Variants in ELL observed in about 807,000 individuals in gnomAD.
ELL encodes elongation factor for RNA polymerase II.
ELL carries 18 observed loss-of-function variants against 64.0 expected under a neutral mutation model. The ratio of observed to expected loss-of-function variants is 0.28; its 90% CI spans 0.19 to 0.42. The LOEUF (loss-of-function observed/expected upper bound fraction) is 0.42. Ranked by LOEUF, ELL falls within the 10% of genes least tolerant of loss-of-function variation. ELL has a pLI of 1.00. For synonymous variants in ELL, 399 were observed against 376.2 expected, an observed-to-expected ratio of 1.06 and a Z score of -0.70; for missense variants, 797 against 870.4, an observed-to-expected ratio of 0.92 and a Z score of 1.06.
chr19:18,468,041 CCCACACACACAG>C (rs1325874228), intron 2 of ELL, among the ~76,000 whole-genome samples: 3 of 148,096 alleles, frequency 2.0e-5, no homozygotes, highest in African/African-American at 7.5e-5. Context: ...ATGCACAACC[CCCACACACACAG>C]CCACACACAA....
intron 1 of ELL, among the ~76,000 whole-genome samples, chr19:18,507,906 T>C (rs1054763085): frequency 6.6e-6 from 1 of 152,184 alleles, no homozygotes; most frequent in East Asian, 1.9e-4. Flanking sequence ...GAGATGAGGA[T>C]GCAGCAGGCT....
At chr19:18,445,431 G>T in intron 10 of ELL, 163 bp from the exon 11 acceptor site, 3 of 721,422 alleles carry the variant, frequency 4.2e-6, no homozygotes, top group African/African-American at 1.8e-5. Context: ...CTGTAGCTCC[G>T]GAGTGGGTGG....
chr19:18,482,550 C>T (rs1014980317), intron 1 of ELL, among the ~76,000 whole-genome samples: 1 of 151,938 alleles, frequency 6.6e-6, no homozygotes, highest in Non-Finnish European at 1.5e-5. Context: ...GTTGGCCAGG[C>T]TGATCTCAAA....
In ELL at chr19:18,497,773, T is replaced by G. The variant is rs1038025155; in HGVS notation, c.135+24148A>C. On this transcript the variant is annotated intron_variant, in intron 1 of 11. Transcript: ENST00000262809. Reference sequence around the variant, plus strand: ...TCAAGGCTGCAGTGAGCTATGGTTATGCTACTGACTCCAGCCTAGGCAAAA... The same window carrying G: ...TCAAGGCTGCAGTGAGCTATGGTTAGGCTACTGACTCCAGCCTAGGCAAAA... Among the ~76,000 whole-genome samples, 8 of 139,504 alleles carry G rather than the reference T, an allele frequency of 5.7e-5. No homozygotes were observed. The Middle Eastern group carries it at 0.012, about 214-fold the overall frequency. 91.5% of individuals were successfully genotyped at this position (139,504 alleles called of 152,430 possible).
At chr19:18,446,586 C>G (rs1974422376) in intron 9 of ELL, 106 bp from the exon 10 acceptor site, 1 of 1,510,170 alleles carries the variant, frequency 6.6e-7, no homozygotes, top group Admixed American at 2.1e-5. Context: ...CGGGTGATTC[C>G]CTGGATTATG....
At chr19:18,451,103 G>C in intron 7 of ELL, 128 bp from the exon 8 acceptor site, 1 of 1,312,490 alleles carries the variant, frequency 7.6e-7, no homozygotes, top group South Asian at 1.9e-5. Context: ...GGGGGCGCCC[G>C]AGCACCAAGT....
At chr19:18,473,078 T>C in intron 1 of ELL, 196 bp from the exon 2 acceptor site, 2 of 683,176 alleles carry the variant, frequency 2.9e-6, no homozygotes, top group Middle Eastern at 3.6e-4. Flanking sequence ...TCAGTAGGAG[T>C]TCCTCAGATG....
Position 18,474,297 on chromosome 19 carries a change from G to A in ELL, c.136-1415C>T, listed in dbSNP as rs115566346. Among the ~76,000 whole-genome samples the A allele has an allele frequency of 3.1e-3, 467 of 152,366 alleles. 2 individuals carry two copies. The highest frequency in any genetic ancestry group is 0.011 in the African/African-American group (437 of 41,588). The stretch of plus-strand genomic sequence containing the variant: ...GGTCTGCTTGGCCAGCTTAGACCAC[G>A]CAGCTGTATACATATGACATGCATA... On this transcript the variant is annotated intron_variant, in intron 1 of 11. Coordinates refer to ENST00000262809, the MANE Select transcript of ELL (RefSeq NM_006532.4).
chr19:18,518,187 C>T (rs1976169177), intron 1 of ELL, among the ~76,000 whole-genome samples: 1 of 142,858 alleles, frequency 7.0e-6, no homozygotes, highest in African/African-American at 2.6e-5. Context: ...AACTCTGTCT[C>T]AAAAAACAAC....
At chr19:18,511,161 G>A (rs996502283) in intron 1 of ELL, among the ~76,000 whole-genome samples, 3 of 152,110 alleles carry the variant, frequency 2.0e-5, no homozygotes, top group Non-Finnish European at 2.9e-5. Flanking sequence ...CAGCTACTCG[G>A]GAGGCTGAGG....
intron 1 of ELL, among the ~76,000 whole-genome samples, chr19:18,489,957 T>G (rs1975493324): frequency 6.6e-6 from 1 of 152,032 alleles, no homozygotes; most frequent in African/African-American, 2.4e-5. Context: ...TGAGCAGAGA[T>G]ATGGAGCTGG....
chr19:18,493,341 G>A lies in ELL; in HGVS notation c.136-20459C>T, dbSNP rs564430481. ...CCAGAAAAGATGGGCTCTGTGCTGCGGCCCTGAGGGGCTTGCCCTGGGCCC... is the reference window on the plus strand; with the variant it reads ...CCAGAAAAGATGGGCTCTGTGCTGCAGCCCTGAGGGGCTTGCCCTGGGCCC... On this transcript the variant is annotated intron_variant, in intron 1 of 11. Transcript: ENST00000262809. 3.9e-5 allele frequency among the ~76,000 whole-genome samples: 6 copies of A among 152,332 alleles called. 1 individual carries two copies. The South Asian group carries it at 8.3e-4, about 21-fold the overall frequency.
chr19:18,514,894 A>G (rs1201015237), intron 1 of ELL, among the ~76,000 whole-genome samples: 1 of 152,230 alleles, frequency 6.6e-6, no homozygotes, highest in African/African-American at 2.4e-5. Context: ...TTCCCTGGGC[A>G]GCTGCTTCGA....
chr19:18,470,936 T>C (rs1248936366), intron 2 of ELL: 1 of 456,284 alleles, frequency 2.2e-6, no homozygotes, highest in African/African-American at 2.0e-5. Context: ...GACACACGTC[T>C]CCTAGAGGCT....
chr19:18,515,921 T>A (rs1976118242), intron 1 of ELL, among the ~76,000 whole-genome samples: 1 of 151,950 alleles, frequency 6.6e-6, no homozygotes, highest in Admixed American at 6.6e-5. Context: ...ACCATAAACT[T>A]CCTCTCCCGG....
chr19:18,455,529 G>T (rs994455927), intron 6 of ELL, among the ~76,000 whole-genome samples: 1 of 150,910 alleles, frequency 6.6e-6, no homozygotes, highest in African/African-American at 2.4e-5. Flanking sequence ...CTACGAAAAC[G>T]CAATGGGGAA....
At position 18,466,588 on chromosome 19, in the gene ELL, C is replaced by T. The variant is rs367607805; in HGVS notation, c.184-670G>A. Among the ~76,000 whole-genome samples the T allele has an allele frequency of 7.2e-3, 1,090 of 152,316 alleles. 14 individuals carry two copies. Among genetic ancestry groups the T allele is most frequent in the African/African-American group, 0.025 (1,035 of 41,568 alleles). On this transcript the variant is annotated intron_variant, in intron 2 of 11. Coordinates refer to ENST00000262809, the MANE Select transcript of ELL (RefSeq NM_006532.4). ...AAAGCTCCAGCCCTGTCTGGGAGGA[C>T]GGACAGCCAGGGGCAGGCAGGCGGA... is the stretch of plus-strand genomic sequence containing the variant.
intron 1 of ELL, among the ~76,000 whole-genome samples, chr19:18,474,600 C>A (rs4808805): frequency 3.3e-5 from 5 of 152,096 alleles, no homozygotes; most frequent in African/African-American, 1.2e-4. Context: ...TGGTGCAACA[C>A]GTCCATGGCC....
chr19:18,507,658 G>A (rs1341021210), intron 1 of ELL, among the ~76,000 whole-genome samples: 1 of 152,234 alleles, frequency 6.6e-6, no homozygotes, highest in African/African-American at 2.4e-5. Flanking sequence ...TGTGAGCGCA[G>A]GGGCTTCATC....
Sources: gnomAD v4.1 joint callset for allele counts (sites outside exome capture counted in the v4.1 genomes callset) on GRCh38, gnomAD v4.1.1 for gene constraint, MANE v1.5 for transcripts, NCBI Gene and HGNC (gene_info 2026-07-23, HGNC 2026-07-21) for gene names.